KIF24: variants seen among roughly 807,000 people sequenced by gnomAD.
KIF24 encodes kinesin-like protein KIF24.
KIF24 carries 81 observed loss-of-function variants against 118.9 expected under a neutral mutation model. The observed-to-expected ratio is 0.68, with a 90% CI of 0.57 to 0.82. KIF24 has a LOEUF of 0.82. Ranked by LOEUF, KIF24 falls within the 40% of genes least tolerant of loss-of-function variation. KIF24 has a pLI of 0.00. For synonymous variants in KIF24, 599 were observed against 610.0 expected, an observed-to-expected ratio of 0.98 and a Z score of 0.27; for missense variants, 1,560 against 1,661.6, an observed-to-expected ratio of 0.94 and a Z score of 1.06.
intron 1 of KIF24, among the ~76,000 whole-genome samples, chr9:34,328,670 G>T (rs1330854794): frequency 6.6e-6 from 1 of 151,830 alleles, no homozygotes; most frequent in Non-Finnish European, 1.5e-5. Context: ...AATATTTCCT[G>T]AAAATCTACT....
At chr9:34,298,194 G>A (rs1439443598) in intron 3 of KIF24, among the ~76,000 whole-genome samples, 3 of 152,076 alleles carry the variant, frequency 2.0e-5, no homozygotes, top group African/African-American at 4.8e-5. Context: ...ATTAATTAAT[G>A]TTTAGGGAAT....
chr9:34,270,925 C>T (rs1395591479), intron 7 of KIF24, among the ~76,000 whole-genome samples: 1 of 150,332 alleles, frequency 6.7e-6, no homozygotes, highest in African/African-American at 2.5e-5. Flanking sequence ...TCACATCCAC[C>T]CTGTCTCTTA....
chr9:34,308,242 G>C (rs1837004324), intron 2 of KIF24, among the ~76,000 whole-genome samples: 1 of 151,148 alleles, frequency 6.6e-6, no homozygotes, highest in Non-Finnish European at 1.5e-5. Flanking sequence ...TGCCAGGATT[G>C]CAGGCATGAG....
chr9:34,319,449 G>A (rs759296152), intron 1 of KIF24: 26 of 1,203,090 alleles, frequency 2.2e-5, no homozygotes, highest in East Asian at 2.1e-4. Flanking sequence ...CCTGACCAGC[G>A]TGTTCCACGC....
chr9:34,328,881 A>T (rs1465700406), intron 1 of KIF24, among the ~76,000 whole-genome samples: 1 of 152,214 alleles, frequency 6.6e-6, no homozygotes, highest in African/African-American at 2.4e-5. Context: ...AAGTGAGAGA[A>T]GTGGCGTTCA....
intron 1 of KIF24, among the ~76,000 whole-genome samples, chr9:34,324,918 T>C (rs1428925363): frequency 6.6e-6 from 1 of 152,196 alleles, no homozygotes; most frequent in African/African-American, 2.4e-5. Flanking sequence ...CAGATGTCCC[T>C]TCCGTGTCTG....
At chr9:34,282,829 A>G (rs1013048600) in intron 6 of KIF24, among the ~76,000 whole-genome samples, 1 of 152,120 alleles carries the variant, frequency 6.6e-6, no homozygotes, top group Non-Finnish European at 1.5e-5. Context: ...AGGCTGGTGG[A>G]TCACTTGAGG....
intron 6 of KIF24, among the ~76,000 whole-genome samples, chr9:34,283,405 T>C (rs933383607): frequency 3.3e-5 from 5 of 152,050 alleles, no homozygotes; most frequent in Non-Finnish European, 7.4e-5. Flanking sequence ...ATGAATATTA[T>C]GGTATGTAAA....
At chr9:34,290,065 C>A in intron 5 of KIF24, 109 bp downstream of exon 5, 2 of 673,572 alleles carry the variant, frequency 3.0e-6, no homozygotes, top group Non-Finnish European at 5.1e-6. Context: ...CACAAAAGGG[C>A]ACTAATGTAC....
intron 1 of KIF24, among the ~76,000 whole-genome samples, chr9:34,321,049 A>T (rs1021173391): frequency 2.6e-5 from 4 of 152,228 alleles, no homozygotes; most frequent in Non-Finnish European, 5.9e-5. Flanking sequence ...CACTAGATTC[A>T]GAAGGTAACT....
intron 12 of KIF24, among the ~76,000 whole-genome samples, chr9:34,254,783 G>GT (rs1563930380): frequency 2.6e-5 from 4 of 152,172 alleles, no homozygotes; most frequent in African/African-American, 9.7e-5. Flanking sequence ...ACTGGTCACT[G>GT]TTAGTCACAG....
intron 8 of KIF24, among the ~76,000 whole-genome samples, chr9:34,266,406 C>T (rs1332932710): frequency 6.6e-6 from 1 of 152,052 alleles, no homozygotes; most frequent in Non-Finnish European, 1.5e-5. Context: ...CAACCAGGCG[C>T]GGTGGCTCAT....
At chr9:34,301,234 A>C (rs1258626601) in intron 3 of KIF24, among the ~76,000 whole-genome samples, 1 of 152,102 alleles carries the variant, frequency 6.6e-6, no homozygotes, top group Non-Finnish European at 1.5e-5. Context: ...ACTAACCTTG[A>C]CAGAATCAGA....
In KIF24 at chr9:34,257,610, G is replaced by T; in HGVS notation, c.1997C>A (p.Ala666Glu). ...HVAKKKPEES[A>E]PLCSEKNRMG... is the part of the protein sequence containing the mutation. ...TCGATTTTTCTCAGAGCACAATGGT[G>T]CTGACTCTTCTGGCTTTTTTTTGGC... The change falls in exon 11 of 13, where the codon GCA (alanine) becomes GAA (glutamate). Residue 666 changes from alanine to glutamate, a missense_variant. Coordinates refer to ENST00000402558, the MANE Select transcript of KIF24 (RefSeq NM_194313.4). The T allele has an allele frequency of 6.2e-7, 1 of 1,614,070 alleles. No individual in the cohort carries two copies. The highest frequency in any genetic ancestry group is 8.5e-7 in the Non-Finnish European group (1 of 1,179,904).
At chr9:34,259,251 C>T (rs1486606139) in intron 10 of KIF24, among the ~76,000 whole-genome samples, 1 of 152,218 alleles carries the variant, frequency 6.6e-6, no homozygotes, top group African/African-American at 2.4e-5. Context: ...TGGGCTGAGG[C>T]CAGCAGGAAG....
intron 1 of KIF24, chr9:34,319,805 G>A (rs932928718): frequency 1.7e-5 from 9 of 517,430 alleles, no homozygotes; most frequent in South Asian, 3.5e-5. Flanking sequence ...GTGCTTGAAC[G>A]GCCCTTCCCA....
At position 34,256,620 on chromosome 9, in the gene KIF24, C is replaced by A; in HGVS notation, c.2987G>T (p.Gly996Val). The A allele has an allele frequency of 6.2e-7, 1 of 1,613,924 alleles. No individual in the cohort carries two copies. Among genetic ancestry groups the A allele is most frequent in the Non-Finnish European group, 8.5e-7 (1 of 1,179,894 alleles). The stretch of plus-strand genomic sequence containing the variant: ...GACTGTGTCTCTTTGGTCTGGGGAT[C>A]CAGGAACTGCAACGTGGGACAATGA... ...TISLSHVAVP[G>V]SPDQRDTVTT... Residue 996 changes from glycine to valine, a missense_variant, in exon 11 of 13, where the codon GGA becomes GTA. Around this residue, in one of 3 missense-constraint regions of KIF24, gnomAD observed 591 missense variants for 655.6 expected, o/e 0.90. Coordinates refer to ENST00000402558, the MANE Select transcript of KIF24 (RefSeq NM_194313.4).
At chr9:34,261,279 A>C (rs1159743779) in intron 9 of KIF24, among the ~76,000 whole-genome samples, 1 of 152,194 alleles carries the variant, frequency 6.6e-6, no homozygotes, top group African/African-American at 2.4e-5. Context: ...TGCACAGGAC[A>C]CAAGGCGAAA....
At chr9:34,286,044 C>T (rs1587938929) in intron 6 of KIF24, among the ~76,000 whole-genome samples, 1 of 151,874 alleles carries the variant, frequency 6.6e-6, no homozygotes, top group African/African-American at 2.4e-5. Context: ...TTGAAACTGG[C>T]CCAATAAGGC....
Sources: allele counts gnomAD v4.1 joint callset (sites outside exome capture counted in the v4.1 genomes callset), GRCh38; gene constraint gnomAD v4.1.1; regional missense constraint gnomAD v4.1.1; transcripts MANE v1.5; gene names NCBI Gene and HGNC (gene_info 2026-07-23, HGNC 2026-07-21).